TRAF3IP2: variants seen among roughly 807,000 people sequenced by gnomAD.
The protein encoded by TRAF3IP2 is E3 ubiquitin ligase TRAF3IP2.
Under a neutral mutation model 57.9 loss-of-function variants are expected in TRAF3IP2, and 35 were observed. The observed-to-expected ratio is 0.60, with a 90% CI of 0.46 to 0.80. The LOEUF is 0.80. TRAF3IP2 is among the 30% of genes least tolerant of loss of function. The pLI is 0.00. For synonymous variants in TRAF3IP2, 251 were observed against 268.9 expected (o/e 0.93, Z 0.65); for missense variants, 556 against 706.4 (o/e 0.79, Z 2.41).
At chr6:111,581,844 G>A (rs1357339105) in intron 2 of TRAF3IP2, among the ~76,000 whole-genome samples, 1 of 152,148 alleles carries the variant, frequency 6.6e-6, no homozygotes. Context: ...TGGGTGTGAT[G>A]GCGCGCACCT....
intron 2 of TRAF3IP2, 130 bp from the exon 3 acceptor site, chr6:111,580,519 T>C: frequency 3.0e-6 from 2 of 668,174 alleles, no homozygotes; most frequent in Non-Finnish European, 4.5e-6. Context: ...TTACCACCTC[T>C]GTGATGTTTG....
intron 1 of TRAF3IP2, among the ~76,000 whole-genome samples, chr6:111,598,881 A>G (rs1187073530): frequency 1.3e-5 from 2 of 152,088 alleles, no homozygotes; most frequent in Non-Finnish European, 2.9e-5. Flanking sequence ...ATCTCTTCAA[A>G]TATCAAAAAC....
At position 111,556,086 on chromosome 6, in the gene TRAF3IP2, G is replaced by C. The variant is rs912810052; in HGVS notation, c.*3319C>G. On this transcript the variant is annotated 3_prime_UTR_variant, in exon 9 of 9. Coordinates refer to ENST00000368761, the MANE Select transcript of TRAF3IP2 (RefSeq NM_147686.4). ...CCACTGCACTCTAGCCTGGGTGACAGAGCGAGACTACGTCTCAAAAAAAAA... is the reference window on the plus strand; with the variant it reads ...CCACTGCACTCTAGCCTGGGTGACACAGCGAGACTACGTCTCAAAAAAAAA... Among the ~76,000 whole-genome samples, 2 of 140,024 alleles carry C rather than the reference G, an allele frequency of 1.4e-5. No homozygotes were observed. Among genetic ancestry groups the C allele is most frequent in the African/African-American group, 5.3e-5 (2 of 37,586 alleles). The allele number at this position is 140,024 out of a possible 152,430, so 91.9% of individuals were successfully genotyped here. A position where few individuals can be genotyped will look rare whatever the true frequency, so the allele number is the denominator to read the frequency against.
rs1039262696 is a variant in TRAF3IP2 at position 111,560,342 on chromosome 6, A to ACAAG, written c.1552-795_1552-792dup. Among the ~76,000 whole-genome samples, 26 of 152,314 alleles carry ACAAG rather than the reference A, an allele frequency of 1.7e-4. 1 individual carries two copies. The highest frequency in any genetic ancestry group is 6.3e-4 in the African/African-American group (26 of 41,568). On this transcript the variant is annotated intron_variant, in intron 8 of 8. Coordinates refer to ENST00000368761, the MANE Select transcript of TRAF3IP2 (RefSeq NM_147686.4). ...TGGAGGGAGTGTGTTGGGTCTGTTC[A>ACAAG]CAAGCAACAAGGCCACTGTGAGTAG... is the stretch of plus-strand genomic sequence containing the variant.
chr6:111,581,176 T>G (rs1796152177), intron 2 of TRAF3IP2, among the ~76,000 whole-genome samples: 1 of 152,204 alleles, frequency 6.6e-6, no homozygotes, highest in African/African-American at 2.4e-5. Flanking sequence ...ACCTAATGCT[T>G]AATCACGCAA....
chr6:111,590,097 A>T (rs1298577773), intron 2 of TRAF3IP2, among the ~76,000 whole-genome samples: 1 of 152,202 alleles, frequency 6.6e-6, no homozygotes, highest in African/African-American at 2.4e-5. Flanking sequence ...GAAAAAAAAA[A>T]TGGTGATAGA....
At chr6:111,575,293 CAAG>C (rs1388257024) in intron 4 of TRAF3IP2, among the ~76,000 whole-genome samples, 6 of 151,520 alleles carry the variant, frequency 4.0e-5, no homozygotes, top group South Asian at 2.1e-4. Context: ...TAAGACCTCA[CAAG>C]AAGAAGGAGT....
At position 111,575,641 on chromosome 6, in the gene TRAF3IP2, A is replaced by G. The variant is rs1321899075; in HGVS notation, c.1201+2T>C. ...GAGAGAACAATGTTGCAAACAACTTACGCAATTCTTCTGGCAAATTGCTTG... is the reference window on the plus strand; with the variant it reads ...GAGAGAACAATGTTGCAAACAACTTGCGCAATTCTTCTGGCAAATTGCTTG... On this transcript the variant is annotated splice_donor_variant, in intron 4 of 8. Transcript: ENST00000368761. LOFTEE classifies it high-confidence loss of function. 6.2e-7 allele frequency: 1 copy of G among 1,610,630 alleles called. No homozygotes were observed. Among genetic ancestry groups the G allele is most frequent in the Admixed American group, 1.7e-5 (1 of 59,536 alleles).
chr6:111,595,361 T>C (rs960916184), intron 1 of TRAF3IP2, among the ~76,000 whole-genome samples: 1 of 152,310 alleles, frequency 6.6e-6, no homozygotes, highest in South Asian at 2.1e-4. Flanking sequence ...AAAAACAAAA[T>C]GGACCCTGGT....
In TRAF3IP2 at chr6:111,555,591, A is replaced by G. The variant is rs1344035919; in HGVS notation, c.*3814T>C. Among the ~76,000 whole-genome samples, 2 of 152,236 alleles carry G rather than the reference A, an allele frequency of 1.3e-5. No individual in the cohort carries two copies. The highest frequency in any genetic ancestry group is 2.9e-5 in the Non-Finnish European group (2 of 68,040). ...CATTTAAAATTCTAAATTAGTCATC[A>G]AATATTAGGTAAGAACCTAACCTTG... is the stretch of plus-strand genomic sequence containing the variant. On this transcript the variant is annotated 3_prime_UTR_variant, in exon 9 of 9. Transcript: ENST00000368761.
intron 5 of TRAF3IP2, chr6:111,572,642 A>G: frequency 2.1e-6 from 1 of 483,770 alleles, no homozygotes; most frequent in Non-Finnish European, 3.7e-6. Flanking sequence ...TGTGGTCAGC[A>G]TTAGCACTGA....
chr6:111,588,736 T>A (rs1009225802), intron 2 of TRAF3IP2, among the ~76,000 whole-genome samples: 9 of 152,200 alleles, frequency 5.9e-5, no homozygotes, highest in African/African-American at 2.2e-4. Context: ...ATGCTTGCCA[T>A]AGCATTGCTT....
chr6:111,584,951 A>G (rs1796282288), intron 2 of TRAF3IP2, among the ~76,000 whole-genome samples: 1 of 152,192 alleles, frequency 6.6e-6, no homozygotes, highest in African/African-American at 2.4e-5. Flanking sequence ...TTCATCTTCT[A>G]GCACACCATT....
intron 8 of TRAF3IP2, among the ~76,000 whole-genome samples, chr6:111,561,719 TGGATATGATCTTGTAGTCAATG>T (rs1795450002): frequency 6.6e-6 from 1 of 152,072 alleles, no homozygotes; most frequent in South Asian, 2.1e-4. Flanking sequence ...CTAAGAAAGG[TGGATATGATCTTGTAGTCAATG>T]GGAAAACGGC....
chr6:111,578,514 G>A (rs140279722), intron 3 of TRAF3IP2, among the ~76,000 whole-genome samples: 193 of 152,276 alleles, frequency 1.3e-3, no homozygotes, highest in African/African-American at 4.3e-3. Flanking sequence ...GGTAGCGGGC[G>A]TCTGTAGTTC....
chr6:111,577,855 G>A (rs1796037966), intron 3 of TRAF3IP2, among the ~76,000 whole-genome samples: 1 of 152,070 alleles, frequency 6.6e-6, no homozygotes, highest in African/African-American at 2.4e-5. Flanking sequence ...GGAACCACAG[G>A]TATGTGCCAC....
At chr6:111,573,648 C>T (rs1411914632) in intron 4 of TRAF3IP2, 6 of 152,398 alleles carry the variant, frequency 3.9e-5, no homozygotes, top group Non-Finnish European at 8.8e-5. Flanking sequence ...GACTCCATCA[C>T]TCATCCCTGG....
At chr6:111,580,864 G>GCA (rs1276491784) in intron 2 of TRAF3IP2, among the ~76,000 whole-genome samples, 3 of 152,218 alleles carry the variant, frequency 2.0e-5, no homozygotes, top group African/African-American at 7.2e-5. Flanking sequence ...ACACGTGCGC[G>GCA]CACACACACA....
chr6:111,604,613 G>T (rs1373706443), intron 1 of TRAF3IP2, among the ~76,000 whole-genome samples: 2 of 152,214 alleles, frequency 1.3e-5, no homozygotes, highest in Non-Finnish European at 2.9e-5. Flanking sequence ...GCAGAGACAC[G>T]TGTCTCCCAG....
Sources: allele counts gnomAD v4.1 joint callset (sites outside exome capture counted in the v4.1 genomes callset), GRCh38; gene constraint gnomAD v4.1.1; transcripts MANE v1.5; gene names NCBI Gene and HGNC (gene_info 2026-07-23, HGNC 2026-07-21).